EFNA5: variants seen among roughly 807,000 people sequenced by gnomAD.
The protein encoded by EFNA5 is ephrin-A5.
In EFNA5, 5 loss-of-function variants were observed where a neutral mutation model predicts 22.9. The observed-to-expected ratio is 0.22, with a 90% CI of 0.11 to 0.46. The LOEUF (loss-of-function observed/expected upper bound fraction) is 0.46. Among genes scored for constraint, EFNA5 ranks in the 20% least tolerant of loss-of-function variants. The pLI is 0.99. For synonymous variants in EFNA5, 113 were observed against 112.2 expected, an observed-to-expected ratio of 1.01 and a Z score of -0.04; for missense variants, 237 against 293.3, an observed-to-expected ratio of 0.81 and a Z score of 1.40.
rs1747349556 is a variant in EFNA5 at position 107,378,881 on chromosome 5, CTTGTGGT to C, written c.*2367_*2373del. On this transcript the variant is annotated 3_prime_UTR_variant, in exon 5 of 5. Coordinates refer to ENST00000333274, the MANE Select transcript of EFNA5 (RefSeq NM_001962.3). ...AATCATGACAGGATCATTTGATTTC[CTTGTGGT>C]TATAGAACATGCTGTATTATTTTGG... The C allele has an allele frequency of 6.6e-6, 1 of 151,926 alleles. No individual in the cohort carries two copies. Among genetic ancestry groups the C allele is most frequent in the Non-Finnish European group, 1.5e-5 (1 of 67,982 alleles). 9.4% of individuals were successfully genotyped at this position (151,926 alleles called of 1,614,324 possible). A position where few individuals can be genotyped will look rare whatever the true frequency, so the allele number is the denominator to read the frequency against.
chr5:107,453,516 A>G (rs942886017), intron 1 of EFNA5, among the ~76,000 whole-genome samples: 1 of 152,178 alleles, frequency 6.6e-6, no homozygotes, highest in African/African-American at 2.4e-5. Context: ...TAAACTCTAT[A>G]AATTGAGTTC....
At chr5:107,492,894 G>A (rs1746852518) in intron 1 of EFNA5, among the ~76,000 whole-genome samples, 1 of 151,842 alleles carries the variant, frequency 6.6e-6, no homozygotes, top group Admixed American at 6.6e-5. Flanking sequence ...AACTATTCAG[G>A]AGGCTGAGGT....
At chr5:107,522,470 C>A (rs1427044867) in intron 1 of EFNA5, among the ~76,000 whole-genome samples, 1 of 152,124 alleles carries the variant, frequency 6.6e-6, no homozygotes, top group Non-Finnish European at 1.5e-5. Flanking sequence ...GTAATTATAG[C>A]TCACTGCAGG....
chr5:107,429,562 T>G (rs1748894536), intron 1 of EFNA5, among the ~76,000 whole-genome samples: 1 of 152,222 alleles, frequency 6.6e-6, no homozygotes, highest in South Asian at 2.1e-4. Context: ...ACCATTCATT[T>G]TGACTAAGTA....
At position 107,482,830 on chromosome 5, in the gene EFNA5, CTG is replaced by C. The variant is rs201567723; in HGVS notation, c.126-55323_126-55322del. Among the ~76,000 whole-genome samples, 376 of 83,330 alleles carry C rather than the reference CTG, an allele frequency of 4.5e-3. 4 individuals carry two copies. Among genetic ancestry groups the C allele is most frequent in the African/African-American group, 0.02 (311 of 15,802 alleles). The allele number at this position is 83,330 out of a possible 152,430, so 54.7% of individuals were successfully genotyped here. On this transcript the variant is annotated intron_variant, in intron 1 of 4. Coordinates refer to ENST00000333274, the MANE Select transcript of EFNA5 (RefSeq NM_001962.3). The stretch of plus-strand genomic sequence containing the variant: ...TCTCTCTCTGTCTCTCTCTCTGTCT[CTG>C]TCTCTCTCTCTCTCTCTCTCTCTCT...
intron 2 of EFNA5, among the ~76,000 whole-genome samples, chr5:107,419,818 A>T (rs951714083): frequency 2.6e-5 from 4 of 152,196 alleles, no homozygotes; most frequent in African/African-American, 9.6e-5. Context: ...ATAATGCTAA[A>T]ATAAGACTTC....
At chr5:107,477,609 A>G (rs990420789) in intron 1 of EFNA5, among the ~76,000 whole-genome samples, 1 of 152,010 alleles carries the variant, frequency 6.6e-6, no homozygotes, top group Non-Finnish European at 1.5e-5. Flanking sequence ...TCTCTATATA[A>G]CCCTTCTTTC....
chr5:107,620,679 T>C (rs1397617135), intron 1 of EFNA5, among the ~76,000 whole-genome samples: 1 of 152,156 alleles, frequency 6.6e-6, no homozygotes, highest in Non-Finnish European at 1.5e-5. Flanking sequence ...ATTTCTTAAG[T>C]ATGAACTAAG....
intron 4 of EFNA5, among the ~76,000 whole-genome samples, chr5:107,382,434 C>G (rs1349529300): frequency 6.6e-6 from 1 of 151,830 alleles, no homozygotes; most frequent in Non-Finnish European, 1.5e-5. Context: ...GTACAGTGGC[C>G]CAATCATAGC....
At chr5:107,386,872 T>G (rs545026453) in intron 4 of EFNA5, among the ~76,000 whole-genome samples, 1 of 152,334 alleles carries the variant, frequency 6.6e-6, no homozygotes, top group African/African-American at 2.4e-5. Context: ...AACATATACA[T>G]AGAAATGTTT....
At chr5:107,437,339 G>A (rs1561385892) in intron 1 of EFNA5, among the ~76,000 whole-genome samples, 1 of 152,144 alleles carries the variant, frequency 6.6e-6, no homozygotes, top group Admixed American at 6.5e-5. Flanking sequence ...ATGGAAATTG[G>A]CACGTGCAAG....
chr5:107,381,320 G>C lies in EFNA5; in HGVS notation c.622C>G (p.Pro208Ala), dbSNP rs200334393. 1 of 1,614,088 alleles carries C rather than the reference G, an allele frequency of 6.2e-7. No homozygotes were observed. The highest frequency in any genetic ancestry group is 2.2e-5 in the East Asian group (1 of 44,858). ...GCCAAAAGGCGGCTGGGTATCCTTG[G>C]TGTTTGTGCCGCGTTCTCGCCGCGG... ...PSRGENAAQT[P>A]RIPSRLLAIL... Residue 208 changes from proline (P) to alanine (A), a missense_variant, in exon 5 of 5, where the codon CCA becomes GCA. Pro to Ala is a conservative substitution (Grantham distance 27). This residue lies in a region of EFNA5 where 104 missense variants were observed against 114.5 expected (regional missense o/e 0.91). Coordinates refer to ENST00000333274, the MANE Select transcript of EFNA5 (RefSeq NM_001962.3).
intron 2 of EFNA5, among the ~76,000 whole-genome samples, chr5:107,393,885 C>T (rs1162714529): frequency 6.6e-6 from 1 of 152,088 alleles, no homozygotes; most frequent in Non-Finnish European, 1.5e-5. Context: ...AGTTTGTGTA[C>T]ATGAGTGGAG....
At chr5:107,446,045 C>T (rs1749384606) in intron 1 of EFNA5, among the ~76,000 whole-genome samples, 1 of 152,196 alleles carries the variant, frequency 6.6e-6, no homozygotes, top group Admixed American at 6.5e-5. Flanking sequence ...AATCTGGGCT[C>T]TGCTGCTACT....
At chr5:107,568,359 G>A (rs1204046619) in intron 1 of EFNA5, among the ~76,000 whole-genome samples, 1 of 152,168 alleles carries the variant, frequency 6.6e-6, no homozygotes, top group Admixed American at 6.5e-5. Context: ...AACAACCCAT[G>A]GGAAAGCCAG....
At chr5:107,650,524 T>C (rs1750707543) in intron 1 of EFNA5, among the ~76,000 whole-genome samples, 1 of 152,214 alleles carries the variant, frequency 6.6e-6, no homozygotes, top group South Asian at 2.1e-4. Flanking sequence ...CATCTATGTA[T>C]TGTTCCCTAT....
At position 107,532,921 on chromosome 5, in the gene EFNA5, C is replaced by G. The variant is rs141908822; in HGVS notation, c.126-105412G>C. On this transcript the variant is annotated intron_variant, in intron 1 of 4. Coordinates refer to ENST00000333274, the MANE Select transcript of EFNA5 (RefSeq NM_001962.3). ...TCTGAGGAAACAAAGACTATTCCCC[C>G]GGGTCTCCAGGTTGTCTGCTTTGTG... is the stretch of plus-strand genomic sequence containing the variant. Among the ~76,000 whole-genome samples, 9 of 152,290 alleles carry G rather than the reference C, an allele frequency of 5.9e-5. No individual in the cohort carries two copies. In the East Asian group the frequency reaches 1.5e-3, roughly 26 times the overall value.
chr5:107,595,510 T>C (rs1417852810), intron 1 of EFNA5, among the ~76,000 whole-genome samples: 1 of 152,202 alleles, frequency 6.6e-6, no homozygotes, highest in Non-Finnish European at 1.5e-5. Context: ...TTAATAAATA[T>C]TATTTACAGA....
At chr5:107,486,448 T>A (rs985619735) in intron 1 of EFNA5, among the ~76,000 whole-genome samples, 47 of 152,138 alleles carry the variant, frequency 3.1e-4, no homozygotes, top group African/African-American at 1.1e-3. Flanking sequence ...AAAAAATGCA[T>A]AACTACATAG....
Sources: allele counts gnomAD v4.1 joint callset (sites outside exome capture counted in the v4.1 genomes callset), GRCh38; gene constraint gnomAD v4.1.1; regional missense constraint gnomAD v4.1.1; transcripts MANE v1.5; gene names NCBI Gene and HGNC (gene_info 2026-07-23, HGNC 2026-07-21).